Variants in CATSPERD observed in about 807,000 individuals in gnomAD.
CATSPERD encodes the protein catsper channel auxiliary subunit delta, also known as cation channel sperm-associated auxiliary subunit delta.
CATSPERD carries 86 observed loss-of-function variants against 98.1 expected under a neutral mutation model. The ratio of observed to expected loss-of-function variants is 0.88; its 90% CI spans 0.74 to 1.05. The LOEUF is 1.05. Ranked by LOEUF, CATSPERD falls within the 50% of genes least tolerant of loss-of-function variation. The pLI is 0.00. For synonymous variants in CATSPERD, 394 were observed against 390.2 expected (o/e 1.01, Z -0.12); for missense variants, 995 against 1,005.7 (o/e 0.99, Z 0.14).
chr19:5,731,519 A>G (rs904635419), intron 4 of CATSPERD, among the ~76,000 whole-genome samples: 1 of 148,930 alleles, frequency 6.7e-6, no homozygotes, highest in East Asian at 2.0e-4. Context: ...TTTGTCAATT[A>G]TCGAAAATAC....
chr19:5,733,285 C>A (rs994247784), intron 4 of CATSPERD, among the ~76,000 whole-genome samples: 4 of 149,532 alleles, frequency 2.7e-5, no homozygotes, highest in Non-Finnish European at 5.9e-5. Flanking sequence ...TAAGCCACTG[C>A]GCCTGGTCTC....
In CATSPERD at chr19:5,757,891, G is replaced by A. The variant is rs1271959067; in HGVS notation, c.1327G>A (p.Glu443Lys). 5.6e-6 allele frequency: 9 copies of A among 1,613,262 alleles called. No individual in the cohort carries two copies. Among genetic ancestry groups the A allele is most frequent in the South Asian group, 2.2e-5 (2 of 91,040 alleles). The change falls in exon 14 of 22, where the codon GAG becomes AAG. Residue 443 changes from glutamate (E) to lysine (K), a missense_variant. By Grantham distance (56) the Glu-to-Lys change is moderately conservative. Around this residue, in one of 3 missense-constraint regions of CATSPERD, gnomAD observed 762 missense variants for 773.7 expected, o/e 0.98. Coordinates refer to ENST00000381624, the MANE Select transcript of CATSPERD (RefSeq NM_152784.4). ...HSLGFQATFY[E>K]NGYTSDGNTK... ...CCTGGGGTTCCAGGCCACCTTCTACGAGAACGGTTACACATCAGATGGGAA... is the reference window on the plus strand; with the variant it reads ...CCTGGGGTTCCAGGCCACCTTCTACAAGAACGGTTACACATCAGATGGGAA...
intron 18 of CATSPERD, among the ~76,000 whole-genome samples, chr19:5,770,385 G>C (rs2056622627): frequency 6.8e-6 from 1 of 147,286 alleles, no homozygotes; most frequent in Non-Finnish European, 1.5e-5. Flanking sequence ...AGCTGAGATT[G>C]CACCACTGTG....
At chr19:5,769,330 G>C (rs1006250098) in intron 18 of CATSPERD, among the ~76,000 whole-genome samples, 1 of 151,562 alleles carries the variant, frequency 6.6e-6, no homozygotes, top group Admixed American at 6.6e-5. Context: ...TGGTGGGATG[G>C]GGGGAGGAGG....
At chr19:5,757,297 CTTTT>C (rs77064500) in intron 13 of CATSPERD, among the ~76,000 whole-genome samples, 12 of 119,454 alleles carry the variant, frequency 1.0e-4, no homozygotes, top group Non-Finnish European at 1.2e-4. Flanking sequence ...TTTTCAACTT[CTTTT>C]TTTTTTTTTT....
Position 5,748,248 on chromosome 19 carries a change from T to C in CATSPERD, c.897T>C (p.Ile299=), listed in dbSNP as rs1405835529. The change falls in exon 10 of 22, where the codon ATT becomes ATC. Residue 299 remains isoleucine (I), a synonymous_variant. Coordinates refer to ENST00000381624, the MANE Select transcript of CATSPERD (RefSeq NM_152784.4). ...IFEAKITIHN[I]AVTENELAVI... is the part of the protein sequence containing the mutation. The stretch of plus-strand genomic sequence containing the variant: ...AAGCCAAGATCACCATCCACAACAT[T>C]GCTGTCAGTGCGTAGCCGACCCACT... 1 of 1,613,672 alleles carries C rather than the reference T, an allele frequency of 6.2e-7. No homozygotes were observed. Among genetic ancestry groups the C allele is most frequent in the Non-Finnish European group, 8.5e-7 (1 of 1,179,660 alleles).
At chr19:5,759,205 G>C in intron 15 of CATSPERD, 61 bp downstream of exon 15, 1 of 1,471,304 alleles carries the variant, frequency 6.8e-7, no homozygotes, top group Non-Finnish European at 9.5e-7. Context: ...CTTAGCAGGA[G>C]CGAAGAGAAG....
At chr19:5,722,443 G>A (rs955141419) in intron 1 of CATSPERD, among the ~76,000 whole-genome samples, 10 of 152,070 alleles carry the variant, frequency 6.6e-5, no homozygotes, top group Admixed American at 1.3e-4. Context: ...TTATAGATAC[G>A]AAAGCATACT....
intron 13 of CATSPERD, among the ~76,000 whole-genome samples, chr19:5,755,542 G>C (rs893218488): frequency 3.3e-5 from 5 of 152,070 alleles, no homozygotes; most frequent in African/African-American, 1.2e-4. Flanking sequence ...GGCTGAGGTG[G>C]GAAGATCGCT....
chr19:5,729,076 A>G (rs2041003903), intron 3 of CATSPERD, among the ~76,000 whole-genome samples: 1 of 151,868 alleles, frequency 6.6e-6, no homozygotes, highest in Admixed American at 6.6e-5. Flanking sequence ...AAACTTTAAA[A>G]GGAATAGGAA....
chr19:5,721,478 T>C (rs2055474880), intron 1 of CATSPERD, among the ~76,000 whole-genome samples: 2 of 152,112 alleles, frequency 1.3e-5, no homozygotes, highest in Admixed American at 1.3e-4. Flanking sequence ...CAGTAAATGT[T>C]AGGTTAGTGC....
chr19:5,745,816 C>T, intron 8 of CATSPERD, 97 bp from the exon 9 acceptor site: 1 of 1,267,262 alleles, frequency 7.9e-7, no homozygotes, highest in Non-Finnish European at 1.1e-6. Context: ...TTGCTTTCCC[C>T]TGCACCTGCT....
chr19:5,750,674 G>A (rs893394867), intron 11 of CATSPERD, among the ~76,000 whole-genome samples: 4 of 151,768 alleles, frequency 2.6e-5, no homozygotes, highest in African/African-American at 7.3e-5. Flanking sequence ...GACGGAGGTT[G>A]CAGTGAGCCG....
intron 7 of CATSPERD, among the ~76,000 whole-genome samples, chr19:5,743,659 T>C (rs1184399760): frequency 7.0e-6 from 1 of 142,898 alleles, no homozygotes; most frequent in Non-Finnish European, 1.5e-5. Flanking sequence ...TCTCTCTCTC[T>C]CTCTCTTCCT....
chr19:5,746,161 G>T (rs1462408814), intron 9 of CATSPERD, 98 bp downstream of exon 9: 95 of 1,274,666 alleles, frequency 7.5e-5, no homozygotes, highest in African/African-American at 3.0e-5. Flanking sequence ...GCAACCCCTC[G>T]ACCACTCGGT....
At chr19:5,722,568 T>C (rs1056400536) in intron 1 of CATSPERD, among the ~76,000 whole-genome samples, 1 of 152,152 alleles carries the variant, frequency 6.6e-6, no homozygotes, top group South Asian at 2.1e-4. Context: ...GTGGGTTATA[T>C]CCAGTTCTCT....
At position 5,754,139 on chromosome 19, in the gene CATSPERD, T is replaced by C; in HGVS notation, c.1172T>C (p.Phe391Ser). ...CTTCGCCTTTTTAACTAGATAGAGTTTCTGACAGGAGAATTTATATACAGG... is the reference window on the plus strand; with the variant it reads ...CTTCGCCTTTTTAACTAGATAGAGTCTCTGACAGGAGAATTTATATACAGG... The part of the protein sequence containing the change: ...ELHVGKCKIE[F>S]LTGEFIYRMY... Residue 391 changes from phenylalanine to serine, a missense_variant, in exon 13 of 22, where the codon TTT becomes TCT. Coordinates refer to ENST00000381624, the MANE Select transcript of CATSPERD (RefSeq NM_152784.4). The C allele has an allele frequency of 1.9e-6, 3 of 1,607,016 alleles. No homozygotes were observed. Among genetic ancestry groups the C allele is most frequent in the Non-Finnish European group, 2.6e-6 (3 of 1,173,548 alleles).
At chr19:5,725,440 C>T (rs1439120842) in intron 2 of CATSPERD, among the ~76,000 whole-genome samples, 4 of 152,152 alleles carry the variant, frequency 2.6e-5, no homozygotes, top group Non-Finnish European at 4.4e-5. Flanking sequence ...CGTTCACCAC[C>T]GTGCCCAGCC....
intron 20 of CATSPERD, chr19:5,775,272 G>A: frequency 2.1e-6 from 1 of 471,446 alleles, no homozygotes. Flanking sequence ...TGGGGAAGAA[G>A]AGAGCTCCCC....
Sources: allele counts gnomAD v4.1 joint callset (sites outside exome capture counted in the v4.1 genomes callset), GRCh38; gene constraint gnomAD v4.1.1; regional missense constraint gnomAD v4.1.1; transcripts MANE v1.5; gene names NCBI Gene and HGNC (gene_info 2026-07-23, HGNC 2026-07-21).